Variants in AOAH observed in about 807,000 individuals in gnomAD.
AOAH encodes acyloxyacyl hydrolase (neutrophil).
A neutral mutation model predicts 92.2 loss-of-function variants in AOAH; 64 were observed. That is an observed-to-expected ratio of 0.69 (90% confidence interval 0.57 to 0.86). AOAH has a LOEUF of 0.86. Among genes scored for constraint, AOAH ranks in the 40% least tolerant of loss-of-function variants. The pLI, the probability that AOAH is intolerant of heterozygous loss-of-function variation, is 0.00. For synonymous variants in AOAH, 263 were observed against 254.5 expected (o/e 1.03, Z -0.32); for missense variants, 656 against 694.6 (o/e 0.94, Z 0.62).
intron 4 of AOAH, among the ~76,000 whole-genome samples, chr7:36,640,504 G>A (rs1211670804): frequency 1.3e-5 from 2 of 152,168 alleles, no homozygotes; most frequent in African/African-American, 4.8e-5. Flanking sequence ...GGCAACAGGG[G>A]CTTAGCCAGC....
intron 1 of AOAH, among the ~76,000 whole-genome samples, chr7:36,689,376 T>C (rs759845485): frequency 5.3e-5 from 8 of 152,160 alleles, no homozygotes; most frequent in African/African-American, 9.7e-5. Context: ...AATTCATTTC[T>C]CATAGTTTTG....
chr7:36,522,612 C>T (rs1284140269), intron 19 of AOAH, among the ~76,000 whole-genome samples: 1 of 152,156 alleles, frequency 6.6e-6, no homozygotes, highest in Non-Finnish European at 1.5e-5. Flanking sequence ...GGGAGTATGG[C>T]TGCAGAAAAA....
Position 36,623,189 on chromosome 7 carries a change from CTGG to C in AOAH, c.580_582del (p.Pro194del), listed in dbSNP as rs1562632042. ...ATCTGGTTATTCCTAACAATACTTA[CTGG>C]GAAAACGCTGTATTTGTCTGAATCC... On this transcript the variant is annotated inframe_deletion and splice_region_variant, in exon 7 of 21. Transcript: ENST00000617537. 6.2e-7 allele frequency: 1 copy of C among 1,613,224 alleles called. No individual in the cohort carries two copies. Among genetic ancestry groups the C allele is most frequent in the Non-Finnish European group, 8.5e-7 (1 of 1,179,208 alleles).
chr7:36,530,614 T>C, intron 18 of AOAH, 100 bp from the exon 19 acceptor site: 2 of 735,828 alleles, frequency 2.7e-6, no homozygotes, highest in South Asian at 3.3e-5. Flanking sequence ...CCCATCCTAC[T>C]CTACTTTCAT....
intron 3 of AOAH, among the ~76,000 whole-genome samples, chr7:36,660,548 C>G (rs912071650): frequency 4.6e-5 from 7 of 152,220 alleles, no homozygotes; most frequent in Middle Eastern, 3.4e-3. Context: ...AACTCTTGAC[C>G]TCAGATGATA....
chr7:36,547,766 T>C (rs927459820), intron 15 of AOAH, among the ~76,000 whole-genome samples: 1 of 152,186 alleles, frequency 6.6e-6, no homozygotes, highest in African/African-American at 2.4e-5. Flanking sequence ...CCAAATGTTA[T>C]ATAGGAACTA....
At chr7:36,571,040 C>T (rs550806232) in intron 13 of AOAH, among the ~76,000 whole-genome samples, 3 of 152,224 alleles carry the variant, frequency 2.0e-5, no homozygotes, top group Admixed American at 1.3e-4. Context: ...GCAAAGGGCT[C>T]GCCTGCTGAG....
chr7:36,676,706 G>A (rs908850531), intron 2 of AOAH, among the ~76,000 whole-genome samples: 1 of 152,194 alleles, frequency 6.6e-6, no homozygotes, highest in Non-Finnish European at 1.5e-5. Context: ...CAATTTCAAA[G>A]CTAGACAGCT....
chr7:36,653,869 G>T (rs1794721621), intron 4 of AOAH, among the ~76,000 whole-genome samples: 1 of 152,182 alleles, frequency 6.6e-6, no homozygotes, highest in South Asian at 2.1e-4. Context: ...GAGATCTCAA[G>T]TTCAGGGACC....
chr7:36,527,705 G>C (rs1034660719), intron 19 of AOAH, among the ~76,000 whole-genome samples: 3 of 152,220 alleles, frequency 2.0e-5, no homozygotes, highest in Admixed American at 6.5e-5. Context: ...ACAAAGGCTG[G>C]GTGGTTATTT....
intron 6 of AOAH, among the ~76,000 whole-genome samples, chr7:36,627,184 A>G (rs1562635959): frequency 6.6e-6 from 1 of 152,128 alleles, no homozygotes; most frequent in Non-Finnish European, 1.5e-5. Flanking sequence ...TTAATGCATC[A>G]AAAGATAACT....
intron 4 of AOAH, among the ~76,000 whole-genome samples, chr7:36,650,530 T>C (rs1163261578): frequency 6.6e-6 from 1 of 152,276 alleles, no homozygotes; most frequent in South Asian, 2.1e-4. Flanking sequence ...GCACAACAGT[T>C]CTCACCCTTC....
intron 1 of AOAH, among the ~76,000 whole-genome samples, chr7:36,712,023 T>C (rs546158561): frequency 6.6e-6 from 1 of 152,176 alleles, no homozygotes; most frequent in Non-Finnish European, 1.5e-5. Context: ...CAAGATGAAA[T>C]GTTTTCTGCT....
At chr7:36,535,008 C>CTGTGTG (rs1562543123) in intron 16 of AOAH, among the ~76,000 whole-genome samples, 1 of 75,038 alleles carries the variant, frequency 1.3e-5, no homozygotes, top group Non-Finnish European at 2.7e-5. Context: ...TTGTGTGTAT[C>CTGTGTG]TGTGTGTGTC....
chr7:36,701,224 T>C (rs1320713847), intron 1 of AOAH, among the ~76,000 whole-genome samples: 2 of 151,946 alleles, frequency 1.3e-5, no homozygotes, highest in Non-Finnish European at 2.9e-5. Context: ...TAACACATGG[T>C]CAATCCTGGA....
chr7:36,549,857 C>T (rs550577140), intron 13 of AOAH, among the ~76,000 whole-genome samples: 9 of 152,160 alleles, frequency 5.9e-5, no homozygotes, highest in South Asian at 4.2e-4. Context: ...TAGAGGAAAA[C>T]GAAAAGAATG....
chr7:36,570,244 T>C (rs1583844544), intron 13 of AOAH, among the ~76,000 whole-genome samples: 1 of 151,326 alleles, frequency 6.6e-6, no homozygotes, highest in Non-Finnish European at 1.5e-5. Context: ...AGATGGCTCA[T>C]GTAAGTGGAA....
chr7:36,516,181 C>T lies in AOAH; in HGVS notation c.1600-2801G>A, dbSNP rs926793755. Among the ~76,000 whole-genome samples, 9 of 149,538 alleles carry T rather than the reference C, an allele frequency of 6.0e-5. No homozygotes were observed. The highest frequency in any genetic ancestry group is 1.2e-4 in the Non-Finnish European group (8 of 67,114). On this transcript the variant is annotated intron_variant, in intron 20 of 20. Coordinates refer to ENST00000617537, the MANE Select transcript of AOAH (RefSeq NM_001637.4). The surrounding 1 kb of genome is among the most constrained non-coding windows in gnomAD (Gnocchi z 5.0). Reference sequence around the variant, plus strand: ...CACACACCACACACCCCATACCACACATACATACATCTCTCTTATATACAC... The same window carrying T: ...CACACACCACACACCCCATACCACATATACATACATCTCTCTTATATACAC...
At chr7:36,656,463 T>C (rs139359726) in intron 4 of AOAH, among the ~76,000 whole-genome samples, 2 of 152,032 alleles carry the variant, frequency 1.3e-5, no homozygotes, top group East Asian at 1.9e-4. Context: ...CCGCCCTTAG[T>C]AGGTAATGTT....
Sources: gnomAD v4.1 joint callset for allele counts (sites outside exome capture counted in the v4.1 genomes callset) on GRCh38, gnomAD v4.1.1 for gene constraint, Gnocchi (gnomAD v3.1) non-coding constraint, MANE v1.5 for transcripts, NCBI Gene and HGNC (gene_info 2026-07-23, HGNC 2026-07-21) for gene names.